The following ALK variants were observed in gnomAD, a reference collection of about 807,000 sequenced individuals.
The protein encoded by ALK is ALK tyrosine kinase receptor.
Under a neutral mutation model 163.1 loss-of-function variants are expected in ALK, and 74 were observed. That is an observed-to-expected ratio of 0.45 (90% CI 0.38 to 0.55). The LOEUF is 0.55. Among genes scored for constraint, ALK ranks in the 20% least tolerant of loss-of-function variants. The pLI is 0.00. For synonymous variants in ALK, 960 were observed against 843.2 expected, an observed-to-expected ratio of 1.14 and a Z score of -2.40; for missense variants, 2,063 against 2,105.3, an observed-to-expected ratio of 0.98 and a Z score of 0.39.
intron 4 of ALK, among the ~76,000 whole-genome samples, chr2:29,510,912 G>C (rs1171655610): frequency 1.3e-5 from 2 of 152,146 alleles, no homozygotes; most frequent in African/African-American, 2.4e-5. Flanking sequence ...TGTCTGCACT[G>C]TGCAAGGCAG....
chr2:29,660,852 C>G (rs922089880), intron 3 of ALK, among the ~76,000 whole-genome samples: 1 of 152,032 alleles, frequency 6.6e-6, no homozygotes, highest in African/African-American at 2.4e-5. Context: ...TGTGATTAAA[C>G]GACCCTCCCC....
At chr2:29,506,756 CAA>C (rs11328030) in intron 4 of ALK, among the ~76,000 whole-genome samples, 5 of 146,028 alleles carry the variant, frequency 3.4e-5, no homozygotes, top group Admixed American at 2.0e-4. Flanking sequence ...AAAAACAAAA[CAA>C]AAAAAAAAAG....
chr2:29,687,423 G>T (rs931453978), intron 3 of ALK, among the ~76,000 whole-genome samples: 10 of 151,908 alleles, frequency 6.6e-5, no homozygotes, highest in African/African-American at 2.4e-4. Flanking sequence ...AGGATTTTTG[G>T]CTAGGCTTTT....
intron 2 of ALK, among the ~76,000 whole-genome samples, chr2:29,704,308 T>C (rs1408325126): frequency 2.0e-5 from 3 of 152,112 alleles, no homozygotes; most frequent in Admixed American, 2.0e-4. Context: ...AGGATCCTCT[T>C]TGCTCGAGGG....
intron 9 of ALK, among the ~76,000 whole-genome samples, chr2:29,288,577 G>T (rs1162778109): frequency 3.9e-5 from 6 of 152,234 alleles, no homozygotes; most frequent in African/African-American, 1.2e-4. Flanking sequence ...CCTGCTGCCT[G>T]TTGTCACTGA....
At chr2:29,666,246 T>C (rs1307199479) in intron 3 of ALK, among the ~76,000 whole-genome samples, 1 of 152,198 alleles carries the variant, frequency 6.6e-6, no homozygotes, top group Non-Finnish European at 1.5e-5. Flanking sequence ...AGATAGTATT[T>C]TATTCCTCTT....
At position 29,531,984 on chromosome 2, in the gene ALK, A is replaced by G. The variant is rs1265733958; in HGVS notation, c.1085T>C (p.Ile362Thr). ...CTCGTTGTGGGGCAGCAGCTGGGCA[A>G]TGTACCTTCCAGAGGGCTGCAGGTG... ...HRHLQPSGRYIAQLLPHNEAA... is the reference protein window; with the variant it reads ...HRHLQPSGRYTAQLLPHNEAA... Residue 362 changes from isoleucine (I) to threonine (T), a missense_variant, in exon 4 of 29, where the codon ATT becomes ACT. Physicochemically the swap from Ile to Thr is moderately conservative, Grantham distance 89. This residue lies in a region of ALK where 987 missense variants were observed against 939.5 expected (regional missense o/e 1.05). Transcript: ENST00000389048. 1.2e-6 allele frequency: 2 copies of G among 1,614,152 alleles called. No individual in the cohort carries two copies. The highest frequency in any genetic ancestry group is 2.2e-5 in the East Asian group (1 of 44,864).
chr2:29,619,558 C>T (rs111391190), intron 3 of ALK, among the ~76,000 whole-genome samples: 3,936 of 152,232 alleles, frequency 0.026, 100 homozygotes, highest in South Asian at 0.056. Flanking sequence ...GTGTCACTGA[C>T]GACTTCCCAA....
At chr2:29,299,216 T>C (rs184513415) in intron 8 of ALK, among the ~76,000 whole-genome samples, 70 of 152,334 alleles carry the variant, frequency 4.6e-4, no homozygotes, top group African/African-American at 1.6e-3. Context: ...CCCTCTCCAC[T>C]CTTTCTCTCT....
intron 8 of ALK, among the ~76,000 whole-genome samples, chr2:29,307,147 C>T (rs1008428883): frequency 1.3e-5 from 2 of 152,202 alleles, no homozygotes; most frequent in Admixed American, 1.3e-4. Context: ...CTATGCATAC[C>T]TCGTGGCAGC....
chr2:29,404,165 A>G (rs764990446), intron 4 of ALK, among the ~76,000 whole-genome samples: 1 of 152,170 alleles, frequency 6.6e-6, no homozygotes, highest in South Asian at 2.1e-4. Flanking sequence ...TTAGCCAGGC[A>G]TGGTGGCACA....
chr2:29,373,827 C>T (rs1668690261), intron 5 of ALK, among the ~76,000 whole-genome samples: 2 of 152,196 alleles, frequency 1.3e-5, no homozygotes, highest in Admixed American at 6.5e-5. Context: ...GACCTCTCTC[C>T]TGCCTCCAAC....
chr2:29,369,905 G>T (rs1166074135), intron 5 of ALK, among the ~76,000 whole-genome samples: 1 of 152,188 alleles, frequency 6.6e-6, no homozygotes, highest in African/African-American at 2.4e-5. Flanking sequence ...ATAAGGAACA[G>T]GAAGAATAGA....
chr2:29,612,586 A>G (rs1358337726), intron 3 of ALK, among the ~76,000 whole-genome samples: 3 of 152,126 alleles, frequency 2.0e-5, no homozygotes, highest in African/African-American at 4.8e-5. Context: ...TTTCCAATCA[A>G]TGCTCCCGAA....
At chr2:29,536,610 T>C (rs1313598407) in intron 3 of ALK, among the ~76,000 whole-genome samples, 3 of 152,162 alleles carry the variant, frequency 2.0e-5, no homozygotes, top group African/African-American at 7.2e-5. Flanking sequence ...TGTTTTGCTA[T>C]AAAAATACCT....
At chr2:29,842,333 A>C (rs777481152) in intron 1 of ALK, among the ~76,000 whole-genome samples, 13 of 152,196 alleles carry the variant, frequency 8.5e-5, no homozygotes, top group Non-Finnish European at 1.2e-4. Context: ...TATTGGAAGG[A>C]ATACAAGAAA....
In ALK at chr2:29,663,102, T is replaced by A. The variant is rs1475098026; in HGVS notation, c.952+31748A>T. ...AACACGGTCTTCCCATAAGCCTATA[T>A]TCAACTACCACTGTATTTCCTTAAA... On this transcript the variant is annotated intron_variant, in intron 3 of 28. Transcript: ENST00000389048. Among the ~76,000 whole-genome samples the A allele has an allele frequency of 7.9e-5, 12 of 152,158 alleles. 1 individual carries two copies. Among genetic ancestry groups the A allele is most frequent in the Admixed American group, 7.9e-4 (12 of 15,274 alleles).
intron 3 of ALK, among the ~76,000 whole-genome samples, chr2:29,631,790 C>G (rs1181048706): frequency 6.6e-6 from 1 of 152,232 alleles, no homozygotes; most frequent in East Asian, 1.9e-4. Flanking sequence ...AGGCCCCACA[C>G]CATTTAATCC....
At chr2:29,441,344 T>C (rs1285615338) in intron 4 of ALK, among the ~76,000 whole-genome samples, 2 of 152,198 alleles carry the variant, frequency 1.3e-5, no homozygotes, top group African/African-American at 2.4e-5. Context: ...ATTAGCCTGC[T>C]AGGGCTCGGT....
Sources: gnomAD v4.1 joint callset for allele counts (sites outside exome capture counted in the v4.1 genomes callset) on GRCh38, gnomAD v4.1.1 for gene constraint, gnomAD v4.1.1 regional missense constraint, MANE v1.5 for transcripts, NCBI Gene and HGNC (gene_info 2026-07-23, HGNC 2026-07-21) for gene names.